The following PDE1A variants were observed in gnomAD, a reference collection of about 807,000 sequenced individuals.
PDE1A encodes the protein dual specificity calcium/calmodulin-dependent 3',5'-cyclic nucleotide phosphodiesterase 1A.
PDE1A carries 35 observed loss-of-function variants against 61.7 expected under a neutral mutation model. That is an observed-to-expected ratio of 0.57 (90% confidence interval 0.43 to 0.75). The LOEUF (loss-of-function observed/expected upper bound fraction) is 0.75, where lower values mean the gene tolerates loss of function less well. Among genes scored for constraint, PDE1A ranks in the 30% least tolerant of loss-of-function variants. PDE1A has a pLI of 0.00. For synonymous variants in PDE1A, 232 were observed against 213.2 expected, an observed-to-expected ratio of 1.09 and a Z score of -0.77; for missense variants, 597 against 630.6, an observed-to-expected ratio of 0.95 and a Z score of 0.57.
chr2:182,154,555 C>A (rs971304973), intron 13 of PDE1A, among the ~76,000 whole-genome samples: 8 of 152,066 alleles, frequency 5.3e-5, no homozygotes, highest in African/African-American at 1.9e-4. Flanking sequence ...ACTGTTCTCA[C>A]GGTAGTGAAT....
At chr2:182,520,070 T>C (rs1690470505) in intron 2 of PDE1A, among the ~76,000 whole-genome samples, 1 of 151,960 alleles carries the variant, frequency 6.6e-6, no homozygotes, top group Non-Finnish European at 1.5e-5. Flanking sequence ...AGAATTCTAG[T>C]ACCAGCAATT....
intron 1 of PDE1A, among the ~76,000 whole-genome samples, chr2:182,311,982 T>C (rs1595446): frequency 0.93 from 141,973 of 152,198 alleles, 66,779 homozygotes; most frequent in East Asian, 0.99. Flanking sequence ...AATAGATGTG[T>C]AGTGGTATCT....
At chr2:182,559,184 G>C in the PDE1A span, among the ~76,000 whole-genome samples, 13 of 152,080 alleles carry the variant, frequency 8.5e-5, no homozygotes, top group African/African-American at 2.4e-4. Context: ...TAAGTGAAAA[G>C]GTAAGACAAA....
the PDE1A span, among the ~76,000 whole-genome samples, chr2:182,608,564 C>G: frequency 2.0e-5 from 3 of 152,212 alleles, no homozygotes; most frequent in Non-Finnish European, 2.9e-5. Context: ...CCGCGCCGCA[C>G]CTGGCAGTGA....
At chr2:182,251,627 T>G (rs2125733401) in intron 2 of PDE1A, among the ~76,000 whole-genome samples, 1 of 152,316 alleles carries the variant, frequency 6.6e-6, no homozygotes, top group South Asian at 2.1e-4. Context: ...AACACTGTTC[T>G]CCTTCATTCA....
the PDE1A span, among the ~76,000 whole-genome samples, chr2:182,713,128 T>G: frequency 6.6e-6 from 1 of 152,228 alleles, no homozygotes; most frequent in Non-Finnish European, 1.5e-5. Context: ...CCTAATTTTT[T>G]GCCCATATAT....
the PDE1A span, among the ~76,000 whole-genome samples, chr2:182,609,500 G>A: frequency 6.6e-6 from 1 of 152,172 alleles, no homozygotes; most frequent in Non-Finnish European, 1.5e-5. Context: ...GTGAAGGTCT[G>A]CAGCCTCACT....
chr2:182,451,378 C>CAAA (rs1219608685), intron 2 of PDE1A, among the ~76,000 whole-genome samples: 1 of 12,286 alleles, frequency 8.1e-5, no homozygotes, highest in African/African-American at 3.3e-4. Context: ...GACTCCGTCT[C>CAAA]AAAAAAAAAA....
chr2:182,512,453 C>T (rs1281106927), intron 2 of PDE1A, among the ~76,000 whole-genome samples: 2 of 152,176 alleles, frequency 1.3e-5, no homozygotes, highest in Non-Finnish European at 2.9e-5. Context: ...AAGCCCCATC[C>T]AAAGGACAGC....
exon 15 of PDE1A, chr2:182,140,996 C>T (rs1392871472): frequency 1.4e-5 from 2 of 148,032 alleles, no homozygotes; most frequent in Non-Finnish European, 3.0e-5. Flanking sequence ...GGTCACAGTG[C>T]TTTATAAGTC....
chr2:182,668,740 G>A, the PDE1A span, among the ~76,000 whole-genome samples: 3 of 152,222 alleles, frequency 2.0e-5, no homozygotes, highest in South Asian at 6.2e-4. Flanking sequence ...CTGCCCCAAC[G>A]CATACAGCTG....
rs1344787711 is a variant in PDE1A, at chr2:182,451,366, G to A, written c.101+70910C>T. Among the ~76,000 whole-genome samples the A allele has an allele frequency of 3.4e-4, 4 of 11,714 alleles. 1 individual carries two copies. The highest frequency in any genetic ancestry group is 5.8e-4 in the Non-Finnish European group (4 of 6,854). The allele number at this position is 11,714 out of a possible 152,430, so 7.7% of individuals were successfully genotyped here. On this transcript the variant is annotated intron_variant, in intron 2 of 14. Transcript: ENST00000410103. ...TGCACTCCAGCCTGGGCGACAGAGC[G>A]AGACTCCGTCTCAAAAAAAAAAAAA...
chr2:182,187,906 G>A (rs1277301598), intron 11 of PDE1A, among the ~76,000 whole-genome samples: 1 of 151,384 alleles, frequency 6.6e-6, no homozygotes, highest in Non-Finnish European at 1.5e-5. Context: ...CACCACGCCC[G>A]GCTAATTTTT....
intron 13 of PDE1A, among the ~76,000 whole-genome samples, chr2:182,179,587 C>A (rs908342959): frequency 6.6e-6 from 1 of 152,060 alleles, no homozygotes; most frequent in African/African-American, 2.4e-5. Context: ...AAGGGCATGG[C>A]AAGATCATAT....
the PDE1A span, among the ~76,000 whole-genome samples, chr2:182,653,151 G>T: frequency 1.3e-5 from 2 of 152,138 alleles, no homozygotes; most frequent in African/African-American, 4.8e-5. Flanking sequence ...TGCAGGTTTA[G>T]TGGGCACTTA....
chr2:182,433,758 C>T (rs16823243), intron 2 of PDE1A, among the ~76,000 whole-genome samples: 5,772 of 152,100 alleles, frequency 0.038, 134 homozygotes, highest in Middle Eastern at 0.078. Flanking sequence ...ATCCGGCCCT[C>T]GTGTACCTGT....
chr2:182,609,812 G>C, the PDE1A span, among the ~76,000 whole-genome samples: 66 of 148,440 alleles, frequency 4.4e-4, no homozygotes, highest in African/African-American at 1.6e-3. Context: ...AAACGGATGG[G>C]GCACAGTGGT....
intron 2 of PDE1A, among the ~76,000 whole-genome samples, chr2:182,434,061 A>G (rs1003587491): frequency 2.6e-5 from 4 of 152,090 alleles, no homozygotes; most frequent in Non-Finnish European, 4.4e-5. Flanking sequence ...TTTATTCACA[A>G]ATGTATCTGT....
the PDE1A span, among the ~76,000 whole-genome samples, chr2:182,607,601 G>A: frequency 1.3e-5 from 2 of 152,058 alleles, no homozygotes; most frequent in Non-Finnish European, 2.9e-5. Flanking sequence ...TTCCATCCAC[G>A]TTTGGTTGAA....
Sources: allele counts gnomAD v4.1 joint callset (sites outside exome capture counted in the v4.1 genomes callset), GRCh38; gene constraint gnomAD v4.1.1; transcripts MANE v1.5; gene names NCBI Gene and HGNC (gene_info 2026-07-23, HGNC 2026-07-21).